PRLR: variants seen among roughly 807,000 people sequenced by gnomAD.
PRLR encodes hPRL receptor.
A neutral mutation model predicts 40.2 loss-of-function variants in PRLR; 13 were observed. The observed-to-expected ratio is 0.32, with a 90% CI of 0.21 to 0.51. PRLR has a LOEUF of 0.51. PRLR is among the 20% of genes least tolerant of loss of function. PRLR has a pLI of 0.97. For missense variants in PRLR, 656 were observed against 747.3 expected, an observed-to-expected ratio of 0.88 and a Z score of 1.42; for synonymous variants, 269 against 278.7, an observed-to-expected ratio of 0.97 and a Z score of 0.35.
At chr5:35,086,440 A>ACTTCATCGCTGGCTT in intron 3 of PRLR, 100 bp from the exon 4 acceptor site, 2 of 1,455,868 alleles carry the variant, frequency 1.4e-6, no homozygotes, top group Non-Finnish European at 1.9e-6. Flanking sequence ...AAAGCCAGCG[A>ACTTCATCGCTGGCTT]TGAAGTCTCA....
chr5:35,077,968 G>T (rs1770229867), intron 5 of PRLR, among the ~76,000 whole-genome samples: 2 of 152,172 alleles, frequency 1.3e-5, no homozygotes, highest in Admixed American at 6.5e-5. Context: ...GGTACATAAT[G>T]AAATGAAGGC....
intron 1 of PRLR, among the ~76,000 whole-genome samples, chr5:35,190,989 C>T (rs1357480642): frequency 6.7e-6 from 1 of 149,618 alleles, no homozygotes; most frequent in Admixed American, 6.8e-5. Context: ...ATGACCAAAA[C>T]AAAGCCCCTA....
chr5:35,106,297 G>T (rs1027010782), intron 2 of PRLR, among the ~76,000 whole-genome samples: 1 of 152,160 alleles, frequency 6.6e-6, no homozygotes, highest in Non-Finnish European at 1.5e-5. Flanking sequence ...GACCATCAAG[G>T]CTAGGAAGAA....
chr5:35,190,554 G>A (rs1443909930), intron 1 of PRLR, among the ~76,000 whole-genome samples: 2 of 151,958 alleles, frequency 1.3e-5, no homozygotes, highest in African/African-American at 4.8e-5. Context: ...GCAGTGAGCC[G>A]AGATTGTGAG....
chr5:35,216,554 T>C (rs1194076906), intron 1 of PRLR, among the ~76,000 whole-genome samples: 1 of 152,184 alleles, frequency 6.6e-6, no homozygotes, highest in African/African-American at 2.4e-5. Flanking sequence ...TGTGTGATCC[T>C]CTAGATGAAA....
chr5:35,209,160 G>A (rs1287900340), intron 1 of PRLR, among the ~76,000 whole-genome samples: 7 of 151,372 alleles, frequency 4.6e-5, no homozygotes, highest in African/African-American at 1.7e-4. Context: ...TTTCTTCTGG[G>A]TGATGAGATC....
chr5:35,110,884 A>G (rs1772617849), intron 2 of PRLR, among the ~76,000 whole-genome samples: 1 of 152,206 alleles, frequency 6.6e-6, no homozygotes, highest in African/African-American at 2.4e-5. Context: ...TCTTTCAGGC[A>G]TGGACATCCC....
At chr5:35,083,475 T>TGC (rs1770653495) in intron 5 of PRLR, among the ~76,000 whole-genome samples, 1 of 148,730 alleles carries the variant, frequency 6.7e-6, no homozygotes, top group African/African-American at 2.5e-5. Flanking sequence ...TGTGTGTGTG[T>TGC]GCACAGACCA....
At chr5:35,087,392 T>C (rs769442594) in intron 3 of PRLR, among the ~76,000 whole-genome samples, 101 of 151,704 alleles carry the variant, frequency 6.7e-4, no homozygotes, top group Non-Finnish European at 7.6e-4. Flanking sequence ...TTTAGTCCTT[T>C]TTTTTCTCTT....
chr5:35,179,357 A>G (rs1227275564), intron 1 of PRLR, among the ~76,000 whole-genome samples: 4 of 152,166 alleles, frequency 2.6e-5, no homozygotes, highest in Non-Finnish European at 4.4e-5. Flanking sequence ...CCCACCTGTC[A>G]GTATTTACTT....
chr5:35,229,518 C>G (rs946969488), intron 1 of PRLR, among the ~76,000 whole-genome samples: 2 of 152,160 alleles, frequency 1.3e-5, no homozygotes, highest in African/African-American at 4.8e-5. Flanking sequence ...CGGGCCGGCC[C>G]TCCAGTTACC....
At chr5:35,199,598 A>G (rs1175002300) in intron 1 of PRLR, among the ~76,000 whole-genome samples, 1 of 151,914 alleles carries the variant, frequency 6.6e-6, no homozygotes, top group Non-Finnish European at 1.5e-5. Flanking sequence ...AAAAATCATC[A>G]TCTAAAATAT....
intron 1 of PRLR, among the ~76,000 whole-genome samples, chr5:35,216,088 C>G (rs989707276): frequency 6.6e-6 from 1 of 151,844 alleles, no homozygotes; most frequent in African/African-American, 2.4e-5. Flanking sequence ...AGTAAGAACT[C>G]TGGAACTGAG....
chr5:35,184,336 A>G (rs1297064736), intron 1 of PRLR, among the ~76,000 whole-genome samples: 5 of 152,092 alleles, frequency 3.3e-5, no homozygotes, highest in Non-Finnish European at 7.3e-5. Context: ...CAACACGGTG[A>G]AACCCCATTT....
chr5:35,182,071 G>C (rs1254348538), intron 1 of PRLR, among the ~76,000 whole-genome samples: 1 of 152,102 alleles, frequency 6.6e-6, no homozygotes, highest in Non-Finnish European at 1.5e-5. Context: ...TGACAAACAA[G>C]GGGCTTTGAT....
At chr5:35,168,759 G>T (rs1424067744) in intron 1 of PRLR, among the ~76,000 whole-genome samples, 1 of 151,668 alleles carries the variant, frequency 6.6e-6, no homozygotes, top group Non-Finnish European at 1.5e-5. Context: ...TGGGAAGTTT[G>T]AAGATCTTGT....
chr5:35,121,597 C>T (rs771632240), intron 1 of PRLR, among the ~76,000 whole-genome samples: 5 of 152,182 alleles, frequency 3.3e-5, no homozygotes, highest in East Asian at 1.9e-4. Flanking sequence ...GGACTTTCAC[C>T]GAAAATAATA....
rs1773322589 is a variant in PRLR at position 35,122,436 on chromosome 5, C to T, written c.-105-4314G>A. ...GCCCCAATATGTGTTGTTCCCCCAA[C>T]CTCCTGCCCTATGTGTCCATGTGTT... On this transcript the variant is annotated intron_variant, in intron 1 of 9. Coordinates refer to ENST00000618457, the MANE Select transcript of PRLR (RefSeq NM_000949.7). Among the ~76,000 whole-genome samples, 2 of 152,202 alleles carry T rather than the reference C, an allele frequency of 1.3e-5. 1 individual carries two copies. The highest frequency in any genetic ancestry group is 4.1e-4 in the South Asian group (2 of 4,834).
intron 5 of PRLR, among the ~76,000 whole-genome samples, chr5:35,075,928 G>A (rs1219754364): frequency 2.6e-5 from 4 of 152,192 alleles, no homozygotes; most frequent in Non-Finnish European, 5.9e-5. Context: ...GGCAAACAGG[G>A]TCTGGAGTGG....
Sources: gnomAD v4.1 joint callset for allele counts (sites outside exome capture counted in the v4.1 genomes callset) on GRCh38, gnomAD v4.1.1 for gene constraint, MANE v1.5 for transcripts, NCBI Gene and HGNC (gene_info 2026-07-23, HGNC 2026-07-21) for gene names.